SLC25A32: variants seen among roughly 807,000 people sequenced by gnomAD.
SLC25A32 encodes the protein Glycine auxotroph B, complementation of hamster.
A neutral mutation model predicts 39.0 loss-of-function variants in SLC25A32; 32 were observed. That is an observed-to-expected ratio of 0.82 (90% CI 0.62 to 1.10). The LOEUF (loss-of-function observed/expected upper bound fraction) is 1.10. Among genes scored for constraint, SLC25A32 ranks in the 50% least tolerant of loss-of-function variants. The probability of loss-of-function intolerance (pLI) is 0.00; values close to 1 mark genes in which losing one functional copy is unlikely to be tolerated. For missense variants in SLC25A32, 367 were observed against 395.3 expected, an observed-to-expected ratio of 0.93 and a Z score of 0.61; for synonymous variants, 166 against 152.4, an observed-to-expected ratio of 1.09 and a Z score of -0.66.
intron 1 of SLC25A32, among the ~76,000 whole-genome samples, chr8:103,408,648 T>C (rs1475403898): frequency 2.0e-5 from 3 of 152,168 alleles, no homozygotes; most frequent in Admixed American, 2.0e-4. Context: ...TAGAAAAGCA[T>C]TTCACTTGAA....
At chr8:103,412,206 A>G (rs1254376324) in intron 1 of SLC25A32, among the ~76,000 whole-genome samples, 2 of 152,344 alleles carry the variant, frequency 1.3e-5, no homozygotes, top group African/African-American at 4.8e-5. Context: ...GCGATACCAC[A>G]TACTTACACA....
chr8:103,411,216 C>A (rs922107455), intron 1 of SLC25A32, among the ~76,000 whole-genome samples: 5 of 152,166 alleles, frequency 3.3e-5, no homozygotes, highest in Admixed American at 1.3e-4. Context: ...TGTTCTAGAT[C>A]CTGCTTCTTC....
chr8:103,408,241 C>A (rs1024597115), intron 1 of SLC25A32, among the ~76,000 whole-genome samples: 3 of 152,004 alleles, frequency 2.0e-5, no homozygotes, highest in African/African-American at 7.2e-5. Flanking sequence ...CCCACCTCGG[C>A]CTTCCAAAGT....
intron 1 of SLC25A32, among the ~76,000 whole-genome samples, chr8:103,410,078 C>T (rs1019755145): frequency 2.0e-5 from 3 of 152,130 alleles, no homozygotes; most frequent in Admixed American, 6.5e-5. Flanking sequence ...TAAGAACTTT[C>T]CATTTTCCTC....
chr8:103,410,565 T>G (rs1325648761), intron 1 of SLC25A32, among the ~76,000 whole-genome samples: 1 of 152,264 alleles, frequency 6.6e-6, no homozygotes, highest in African/African-American at 2.4e-5. Context: ...CCATACCTCC[T>G]CCACCCCCGT....
intron 1 of SLC25A32, among the ~76,000 whole-genome samples, chr8:103,410,932 CTGTGACAAGTT>C (rs886711856): frequency 1.2e-4 from 18 of 152,192 alleles, no homozygotes; most frequent in African/African-American, 4.1e-4. Context: ...CTCCTTTCCT[CTGTGACAAGTT>C]TGTCTCTCTT....
Position 103,400,500 on chromosome 8 carries a change from T to C in SLC25A32, c.859A>G (p.Ile287Val), listed in dbSNP as rs142086790. ...ATACAGCAGGCTGGAGTCACTCTAATCAAATTAGGAGCAATTCCCTTGTAA... is the reference window on the plus strand; with the variant it reads ...ATACAGCAGGCTGGAGTCACTCTAACCAAATTAGGAGCAATTCCCTTGTAA... ...GFYKGIAPNLIRVTPACCITF... is the reference protein window; with the variant it reads ...GFYKGIAPNLVRVTPACCITF... The change falls in exon 7 of 7, where the codon ATT (isoleucine) becomes GTT (valine). Residue 287 changes from isoleucine to valine, a missense_variant. Transcript: ENST00000297578. 223 of 1,614,130 alleles carry C rather than the reference T, an allele frequency of 1.4e-4. No homozygotes were observed. Among genetic ancestry groups the C allele is most frequent in the Middle Eastern group, 9.9e-4 (6 of 6,062 alleles).
At position 103,398,884 on chromosome 8, in the gene SLC25A32, C is replaced by A. The variant is rs534030948; in HGVS notation, c.*1527G>T. 1 of 152,122 alleles carries A rather than the reference C, an allele frequency of 6.6e-6. No individual in the cohort carries two copies. The highest frequency in any genetic ancestry group is 1.5e-5 in the Non-Finnish European group (1 of 67,972). 9.4% of individuals were successfully genotyped at this position (152,122 alleles called of 1,614,324 possible). ...ACAGTAAATACAATTAGGTACTTACCATTTTATCTTTACTTTAAAAACAAT... is the reference window on the plus strand; with the variant it reads ...ACAGTAAATACAATTAGGTACTTACAATTTTATCTTTACTTTAAAAACAAT... On this transcript the variant is annotated 3_prime_UTR_variant, in exon 7 of 7. Transcript: ENST00000297578.
chr8:103,403,395 A>G (rs73287915), intron 3 of SLC25A32, 71 bp from the exon 4 acceptor site: 1 of 875,858 alleles, frequency 1.1e-6, no homozygotes, highest in Non-Finnish European at 1.7e-6. Flanking sequence ...CAAATTAGAA[A>G]CAGTACATTT....
intron 3 of SLC25A32, among the ~76,000 whole-genome samples, chr8:103,404,095 T>C (rs540781908): frequency 1.9e-4 from 29 of 152,294 alleles, no homozygotes; most frequent in Admixed American, 4.6e-4. Context: ...TTACTGTTTT[T>C]TCCTTCTGGA....
intron 1 of SLC25A32, among the ~76,000 whole-genome samples, chr8:103,409,674 C>T (rs3134269): frequency 0.053 from 8,066 of 152,274 alleles, 272 homozygotes; most frequent in Non-Finnish European, 0.078. Context: ...CACTACCTCA[C>T]TGTGTATAAT....
intron 2 of SLC25A32, among the ~76,000 whole-genome samples, chr8:103,407,093 T>C (rs142253152): frequency 6.8e-4 from 104 of 152,302 alleles, no homozygotes; most frequent in African/African-American, 2.2e-3. Flanking sequence ...TTTTCTAATC[T>C]AGTAATATTT....
intron 2 of SLC25A32, among the ~76,000 whole-genome samples, chr8:103,406,130 T>C (rs1816327684): frequency 6.6e-6 from 1 of 151,164 alleles, no homozygotes; most frequent in Admixed American, 6.6e-5. Flanking sequence ...TATACATACA[T>C]TCTATACACA....
chr8:103,413,348 AC>A (rs1391706546), intron 1 of SLC25A32, among the ~76,000 whole-genome samples: 1 of 152,198 alleles, frequency 6.6e-6, no homozygotes, highest in East Asian at 1.9e-4. Flanking sequence ...CAATGTTCAA[AC>A]CATTGTATAA....
rs1273532080 is a variant in SLC25A32 at position 103,414,548 on chromosome 8, G to GT, written c.154+235dup. Among the ~76,000 whole-genome samples the GT allele has an allele frequency of 4.6e-5, 7 of 152,318 alleles. No homozygotes were observed. The East Asian group carries it at 9.7e-4, about 21-fold the overall frequency. On this transcript the variant is annotated intron_variant, in intron 1 of 6. Transcript: ENST00000297578. ...TCCCATCTTCTCTGCCAATGAGGAT[G>GT]TTTTTTCTCAGACTTCTCTACATAC...
rs1020759908 is a variant in SLC25A32 at position 103,403,303 on chromosome 8, G to A, written c.413C>T (p.Thr138Ile). Residue 138 changes from threonine (T) to isoleucine (I), a missense_variant, in exon 4 of 7, where the codon ACA (threonine) becomes ATA (isoleucine). Transcript: ENST00000297578. ...AGTTTTTGTTACCCATAATGGGTTTGTAATGCAGAGGGTCATGGCTCCTAA... is the reference window on the plus strand; with the variant it reads ...AGTTTTTGTTACCCATAATGGGTTTATAATGCAGAGGGTCATGGCTCCTAA... ...AEAGAMTLCI[T>I]NPLWVTKTRL... 2 of 1,603,752 alleles carry A rather than the reference G, an allele frequency of 1.2e-6. No individual in the cohort carries two copies. The highest frequency in any genetic ancestry group is 1.4e-5 in the African/African-American group (1 of 73,796).
rs865981169 is a variant in SLC25A32 at position 103,398,979 on chromosome 8, C to G, written c.*1432G>C. The G allele has an allele frequency of 7.2e-5, 11 of 152,286 alleles. No individual in the cohort carries two copies. Among genetic ancestry groups the G allele is most frequent in the Middle Eastern group, 3.4e-3 (1 of 294 alleles). 9.4% of individuals were successfully genotyped at this position (152,286 alleles called of 1,614,324 possible). A position where few individuals can be genotyped will look rare whatever the true frequency, so the allele number is the denominator to read the frequency against. On this transcript the variant is annotated 3_prime_UTR_variant, in exon 7 of 7. Transcript: ENST00000297578. The stretch of plus-strand genomic sequence containing the variant: ...TTTAAAGATGGCTTTGAAAACAACA[C>G]TTTTATTTACAACAAATAGATGGTA...
chr8:103,402,477 G>C (rs559092584), intron 4 of SLC25A32: 1 of 152,290 alleles, frequency 6.6e-6, no homozygotes, highest in Admixed American at 6.5e-5. Context: ...TTGCTTATAG[G>C]TCAGTAAAAT....
In SLC25A32 at chr8:103,400,230, TG is replaced by T; in HGVS notation, c.*180del. On this transcript the variant is annotated 3_prime_UTR_variant, in exon 7 of 7. Coordinates refer to ENST00000297578, the MANE Select transcript of SLC25A32 (RefSeq NM_030780.5). ...CAGAGGTAGCCAAGTTCCATATATA[TG>T]GGGAAGGCAAAAAGCAAGAAAAACA... The T allele has an allele frequency of 1.8e-6, 1 of 541,288 alleles. No homozygotes were observed. Among genetic ancestry groups the T allele is most frequent in the South Asian group, 2.2e-5 (1 of 44,750 alleles). 33.5% of individuals were successfully genotyped at this position (541,288 alleles called of 1,614,324 possible). A position where few individuals can be genotyped will look rare whatever the true frequency, so the allele number is the denominator to read the frequency against.
Sources: gnomAD v4.1 joint callset for allele counts (sites outside exome capture counted in the v4.1 genomes callset) on GRCh38, gnomAD v4.1.1 for gene constraint, MANE v1.5 for transcripts, NCBI Gene and HGNC (gene_info 2026-07-23, HGNC 2026-07-21) for gene names.